GAN: variants seen among roughly 807,000 people sequenced by gnomAD.
GAN encodes the protein epididymis secretory sperm binding protein.
In GAN, 48 loss-of-function variants were observed where a neutral mutation model predicts 71.3. The ratio of observed to expected loss-of-function variants is 0.67; its 90% confidence interval spans 0.53 to 0.86. The LOEUF (loss-of-function observed/expected upper bound fraction) is 0.86. Ranked by LOEUF, GAN falls within the 40% of genes least tolerant of loss-of-function variation. The pLI, the probability that GAN is intolerant of heterozygous loss-of-function variation, is 0.00. For synonymous variants in GAN, 386 were observed against 276.8 expected (o/e 1.39, Z -3.92); for missense variants, 928 against 770.1 (o/e 1.21, Z -2.43).
rs1481300391 is a variant in GAN at position 81,379,252 on chromosome 16, T to C, written c.*1656T>C. 2 of 152,218 alleles carry C rather than the reference T, an allele frequency of 1.3e-5. No individual in the cohort carries two copies. Among genetic ancestry groups the C allele is most frequent in the Admixed American group, 6.5e-5 (1 of 15,272 alleles). The allele number at this position is 152,218 out of a possible 1,614,324, so 9.4% of individuals were successfully genotyped here. ...ATAAAAAAGGGTGACCTGTGATTTT[T>C]TTTCTTATACCTGCTGGAAGTCAGT... On this transcript the variant is annotated 3_prime_UTR_variant, in exon 11 of 11. Coordinates refer to ENST00000648994, the MANE Select transcript of GAN (RefSeq NM_022041.4).
chr16:81,375,227 A>G (rs992517820), intron 9 of GAN, among the ~76,000 whole-genome samples: 1 of 151,978 alleles, frequency 6.6e-6, no homozygotes, highest in African/African-American at 2.4e-5. Context: ...AAGTATCTAT[A>G]TCCACAGGAT....
chr16:81,319,316 G>C (rs193262612), intron 1 of GAN, among the ~76,000 whole-genome samples: 2 of 151,280 alleles, frequency 1.3e-5, no homozygotes, highest in East Asian at 3.9e-4. Context: ...AGACCTTCTG[G>C]GGAAAGCTCC....
chr16:81,344,650 A>G (rs912127055), intron 1 of GAN, among the ~76,000 whole-genome samples: 1 of 152,232 alleles, frequency 6.6e-6, no homozygotes, highest in African/African-American at 2.4e-5. Flanking sequence ...CTAGGACCAT[A>G]AAAATCCTAG....
At chr16:81,376,585 G>A (rs1209958190) in intron 9 of GAN, among the ~76,000 whole-genome samples, 2 of 145,958 alleles carry the variant, frequency 1.4e-5, no homozygotes, top group Admixed American at 6.8e-5. Context: ...GTGTATATAT[G>A]TATGTATAAG....
At chr16:81,335,579 T>G (rs1292890964) in intron 1 of GAN, among the ~76,000 whole-genome samples, 1 of 151,886 alleles carries the variant, frequency 6.6e-6, no homozygotes, top group Non-Finnish European at 1.5e-5. Context: ...AAACCCCATC[T>G]CTACTAAAAA....
At chr16:81,361,262 A>G (rs1327582409) in intron 5 of GAN, among the ~76,000 whole-genome samples, 1 of 152,214 alleles carries the variant, frequency 6.6e-6, no homozygotes, top group African/African-American at 2.4e-5. Flanking sequence ...ATTTGTAGCA[A>G]TAACTTTCTG....
intron 9 of GAN, among the ~76,000 whole-genome samples, chr16:81,375,229 C>G (rs2150697344): frequency 6.6e-6 from 1 of 150,734 alleles, no homozygotes; most frequent in African/African-American, 2.4e-5. Context: ...GTATCTATAT[C>G]CACAGGATAT....
intron 1 of GAN, among the ~76,000 whole-genome samples, chr16:81,344,130 A>T (rs541135068): frequency 2.6e-5 from 4 of 152,334 alleles, no homozygotes; most frequent in African/African-American, 9.6e-5. Context: ...AACAATGGAA[A>T]AACATTCCAT....
At chr16:81,359,169 G>T (rs187550818) in intron 5 of GAN, among the ~76,000 whole-genome samples, 36 of 151,070 alleles carry the variant, frequency 2.4e-4, no homozygotes, top group East Asian at 2.3e-3. Flanking sequence ...TAGTTTCCCT[G>T]TTGCATCTTC....
intron 6 of GAN, 51 bp from the exon 7 acceptor site, chr16:81,363,743 T>G: frequency 2.5e-6 from 4 of 1,575,622 alleles, no homozygotes; most frequent in Non-Finnish European, 3.5e-6. Context: ...ATATCAGCTT[T>G]CAATATGATC....
intron 1 of GAN, among the ~76,000 whole-genome samples, chr16:81,344,035 C>T (rs1910034510): frequency 6.6e-6 from 1 of 152,130 alleles, no homozygotes. Context: ...GAATAAAATA[C>T]ATAGGAATAC....
intron 9 of GAN, among the ~76,000 whole-genome samples, chr16:81,370,940 A>G (rs368980231): frequency 2.6e-5 from 4 of 152,284 alleles, no homozygotes; most frequent in East Asian, 1.9e-4. Context: ...AAAGCCTTCA[A>G]CTTTCCACAG....
At chr16:81,330,738 A>C (rs537654593) in intron 1 of GAN, among the ~76,000 whole-genome samples, 1 of 152,246 alleles carries the variant, frequency 6.6e-6, no homozygotes, top group Non-Finnish European at 1.5e-5. Flanking sequence ...ATCTCCTTGA[A>C]TATACTTACA....
chr16:81,351,811 C>G (rs1910309928), intron 2 of GAN, 114 bp downstream of exon 2: 2 of 738,336 alleles, frequency 2.7e-6, no homozygotes, highest in Non-Finnish European at 5.0e-6. Context: ...CATCTTCTGT[C>G]ACTGTGTGCA....
intron 1 of GAN, among the ~76,000 whole-genome samples, chr16:81,334,990 C>T (rs560128560): frequency 7.2e-5 from 11 of 152,086 alleles, no homozygotes; most frequent in Admixed American, 3.3e-4. Flanking sequence ...TAAACAAATG[C>T]GTCTTATTAG....
At position 81,357,947 on chromosome 16, in the gene GAN, A is replaced by T; in HGVS notation, c.973+16A>T. On this transcript the variant is annotated intron_variant, in intron 5 of 10. Coordinates refer to ENST00000648994, the MANE Select transcript of GAN (RefSeq NM_022041.4). ...CTCTCAGCAGGTACCGTTCTGTGGC[A>T]AATTTTCCTTAAACAGCAGATCAAG... is the stretch of plus-strand genomic sequence containing the variant. 6.2e-7 allele frequency: 1 copy of T among 1,611,918 alleles called. No individual in the cohort carries two copies. Among genetic ancestry groups the T allele is most frequent in the Admixed American group, 1.7e-5 (1 of 60,006 alleles).
At chr16:81,349,471 C>T (rs1910227849) in intron 1 of GAN, among the ~76,000 whole-genome samples, 1 of 151,988 alleles carries the variant, frequency 6.6e-6, no homozygotes, top group African/African-American at 2.4e-5. Flanking sequence ...TGGTGAAACC[C>T]CGTCTCTACA....
Position 81,363,869 on chromosome 16 carries a change from C to T in GAN, c.1162C>T (p.Leu388=), listed in dbSNP as rs73589395. 1.6e-4 allele frequency: 254 copies of T among 1,610,632 alleles called. No individual in the cohort carries two copies. In the African/African-American group the frequency reaches 3.1e-3, roughly 20 times the overall value. The part of the protein sequence containing the change: ...ILGGEDGEKE[L]ISMECYDIYS... ...GGGAGGAGAGGATGGTGAAAAGGAG[C>T]TGATTTCCATGGAGTGTTACGATAT... Residue 388 remains leucine (L), a synonymous_variant, in exon 7 of 11, where the codon CTG becomes TTG. Transcript: ENST00000648994.
At chr16:81,357,162 T>C (rs988371718) in intron 4 of GAN, among the ~76,000 whole-genome samples, 160 bp downstream of exon 4, 4 of 152,298 alleles carry the variant, frequency 2.6e-5, no homozygotes, top group East Asian at 1.9e-4. Flanking sequence ...ATGTGCAGGT[T>C]AGTTACATAT....
Sources: allele counts gnomAD v4.1 joint callset (sites outside exome capture counted in the v4.1 genomes callset), GRCh38; gene constraint gnomAD v4.1.1; transcripts MANE v1.5; gene names NCBI Gene and HGNC (gene_info 2026-07-23, HGNC 2026-07-21).